Variants in CSMD1 observed in about 807,000 individuals in gnomAD.
CSMD1 encodes CUB and Sushi multiple domains 1, also known as CUB and sushi domain-containing protein 1.
Under a neutral mutation model 417.5 loss-of-function variants are expected in CSMD1, and 213 were observed. That is an observed-to-expected ratio of 0.51 (90% CI 0.46 to 0.57). The LOEUF (loss-of-function observed/expected upper bound fraction) is 0.57, where lower values mean the gene tolerates loss of function less well. Among genes scored for constraint, CSMD1 ranks in the 20% least tolerant of loss-of-function variants. The probability of loss-of-function intolerance (pLI) is 0.00; values close to 1 mark genes in which losing one functional copy is unlikely to be tolerated. For missense variants in CSMD1, 6,923 were observed against 4,529.7 expected (o/e 1.53, Z -15.17); for synonymous variants, 2,862 against 1,736.8 (o/e 1.65, Z -16.11).
chr8:3,779,827 G>A (rs975062426), intron 5 of CSMD1, among the ~76,000 whole-genome samples: 15 of 152,058 alleles, frequency 9.9e-5, no homozygotes, highest in African/African-American at 3.6e-4. Context: ...TATTTAATAG[G>A]GACAGGAAAA....
chr8:3,174,886 G>C lies in CSMD1; in HGVS notation c.5725+6224C>G, dbSNP rs1158143944. Among the ~76,000 whole-genome samples the C allele has an allele frequency of 4.6e-5, 7 of 151,828 alleles. No individual in the cohort carries two copies. In the South Asian group the frequency reaches 1.5e-3, roughly 32 times the overall value. On this transcript the variant is annotated intron_variant, in intron 37 of 69. Transcript: ENST00000635120. ...GCAGTTTATCACTTTAAAAAATCTA[G>C]ATATTCTTATTTTTTACATGTTTGA...
At chr8:4,034,515 C>T (rs556438260) in intron 3 of CSMD1, among the ~76,000 whole-genome samples, 6 of 152,200 alleles carry the variant, frequency 3.9e-5, no homozygotes, top group East Asian at 1.9e-4. Flanking sequence ...GTTTATAGTA[C>T]ATTAAAAGTG....
intron 3 of CSMD1, among the ~76,000 whole-genome samples, chr8:4,268,321 C>G: frequency 6.6e-6 from 1 of 152,116 alleles, no homozygotes; most frequent in South Asian, 2.1e-4. Flanking sequence ...CCATTATGAC[C>G]TGAATATTAA....
At chr8:4,570,510 A>G (rs1485777502) in intron 2 of CSMD1, among the ~76,000 whole-genome samples, 4 of 152,136 alleles carry the variant, frequency 2.6e-5, no homozygotes, top group African/African-American at 9.7e-5. Flanking sequence ...GGATAAGCTT[A>G]TGATGTGCTG....
chr8:3,771,895 C>G (rs1287708447), intron 5 of CSMD1, among the ~76,000 whole-genome samples: 1 of 151,944 alleles, frequency 6.6e-6, no homozygotes, highest in Non-Finnish European at 1.5e-5. Flanking sequence ...TGATCTGACC[C>G]AGATATGAGC....
Position 4,067,556 on chromosome 8 carries a change from G to C in CSMD1, c.416-35457C>G, listed in dbSNP as rs111906153. On this transcript the variant is annotated intron_variant, in intron 3 of 69. Coordinates refer to ENST00000635120, the MANE Select transcript of CSMD1 (RefSeq NM_033225.6). ...TTGTATAGCTTTACATGTACCTAAA[G>C]CCAGAATAAGTTTCAACAACAGCAT... 2.0e-5 allele frequency among the ~76,000 whole-genome samples: 3 copies of C among 151,942 alleles called. No homozygotes were observed. The South Asian group carries it at 6.2e-4, about 32-fold the overall frequency.
At chr8:4,456,292 G>A (rs115003426) in intron 2 of CSMD1, among the ~76,000 whole-genome samples, 123 of 152,164 alleles carry the variant, frequency 8.1e-4, no homozygotes, top group African/African-American at 2.9e-3. Flanking sequence ...AAAAGCTGAA[G>A]ACAATTTGTA....
intron 10 of CSMD1, among the ~76,000 whole-genome samples, chr8:3,508,786 T>A (rs1377638274): frequency 6.6e-6 from 1 of 152,192 alleles, no homozygotes. Context: ...GCCTCCGTAA[T>A]GCTCCACCAC....
intron 23 of CSMD1, among the ~76,000 whole-genome samples, chr8:3,330,225 CA>C (rs1345777501): frequency 2.6e-5 from 4 of 152,162 alleles, no homozygotes; most frequent in Admixed American, 2.6e-4. Context: ...AATGAAGGAA[CA>C]TATGGTTAAA....
chr8:4,846,287 T>C (rs1563573287), intron 1 of CSMD1, among the ~76,000 whole-genome samples: 1 of 152,226 alleles, frequency 6.6e-6, no homozygotes, highest in Non-Finnish European at 1.5e-5. Flanking sequence ...CTTTAACTTG[T>C]TATTTCCATG....
At chr8:4,298,848 G>T (rs565134078) in intron 3 of CSMD1, among the ~76,000 whole-genome samples, 3 of 151,766 alleles carry the variant, frequency 2.0e-5, no homozygotes, top group African/African-American at 7.3e-5. Context: ...AATTATTTCT[G>T]GAAATACTGG....
chr8:4,636,396 C>T (rs1026249049), intron 2 of CSMD1, among the ~76,000 whole-genome samples: 8 of 152,092 alleles, frequency 5.3e-5, no homozygotes, highest in Non-Finnish European at 8.8e-5. Flanking sequence ...AAACAAATTA[C>T]GAATAGATTG....
At chr8:4,930,955 C>A (rs11136803) in intron 1 of CSMD1, among the ~76,000 whole-genome samples, 7,935 of 152,080 alleles carry the variant, frequency 0.052, 249 homozygotes, top group African/African-American at 0.078. Context: ...TTTACAGAAG[C>A]TTATGGAACT....
At chr8:4,389,966 G>T (rs910643837) in intron 3 of CSMD1, among the ~76,000 whole-genome samples, 4 of 152,140 alleles carry the variant, frequency 2.6e-5, no homozygotes, top group Admixed American at 2.0e-4. Flanking sequence ...CATGCATGAT[G>T]TACTTGCTCA....
intron 5 of CSMD1, among the ~76,000 whole-genome samples, chr8:3,995,114 A>G (rs532513921): frequency 1.3e-5 from 2 of 152,300 alleles, no homozygotes; most frequent in African/African-American, 2.4e-5. Flanking sequence ...GTCACTGTAG[A>G]ATTACTGTAA....
At chr8:4,658,241 C>T (rs1043123660) in intron 1 of CSMD1, among the ~76,000 whole-genome samples, 3 of 152,040 alleles carry the variant, frequency 2.0e-5, no homozygotes, top group Non-Finnish European at 4.4e-5. Context: ...TCAACACATT[C>T]GAGAAACTCA....
At chr8:4,574,827 C>A (rs1320382230) in intron 2 of CSMD1, among the ~76,000 whole-genome samples, 4 of 152,128 alleles carry the variant, frequency 2.6e-5, no homozygotes, top group Non-Finnish European at 4.4e-5. Flanking sequence ...ACTAAAACAA[C>A]AAAAATCTTT....
intron 1 of CSMD1, among the ~76,000 whole-genome samples, chr8:4,758,631 G>A (rs1811824572): frequency 6.6e-6 from 1 of 152,150 alleles, no homozygotes; most frequent in Non-Finnish European, 1.5e-5. Flanking sequence ...AGTTCCACAT[G>A]GCTGGGGAGG....
chr8:4,696,184 A>C (rs529852973), intron 1 of CSMD1, among the ~76,000 whole-genome samples: 2 of 152,366 alleles, frequency 1.3e-5, no homozygotes, highest in African/African-American at 2.4e-5. Context: ...AAGCCAGTGC[A>C]CATGTATGCA....
Sources: gnomAD v4.1 joint callset for allele counts (sites outside exome capture counted in the v4.1 genomes callset) on GRCh38, gnomAD v4.1.1 for gene constraint, MANE v1.5 for transcripts, NCBI Gene and HGNC (gene_info 2026-07-23, HGNC 2026-07-21) for gene names.